DLG2: variants seen among roughly 807,000 people sequenced by gnomAD.
DLG2 encodes the protein discs large MAGUK scaffold protein 2, also known as disks large homolog 2.
In DLG2, 45 loss-of-function variants were observed where a neutral mutation model predicts 132.5. The observed-to-expected ratio is 0.34, with a 90% CI of 0.27 to 0.44. The LOEUF (loss-of-function observed/expected upper bound fraction) is 0.44. Ranked by LOEUF, DLG2 falls within the 20% of genes least tolerant of loss-of-function variation. DLG2 has a pLI of 1.00. For synonymous variants in DLG2, 424 were observed against 419.6 expected, an observed-to-expected ratio of 1.01 and a Z score of -0.13; for missense variants, 1,045 against 1,196.9, an observed-to-expected ratio of 0.87 and a Z score of 1.87.
At chr11:83,600,007 G>A (rs1013119756) in intron 19 of DLG2, among the ~76,000 whole-genome samples, 2 of 152,144 alleles carry the variant, frequency 1.3e-5, no homozygotes, top group African/African-American at 4.8e-5. Context: ...ATTGCCTACA[G>A]ATAAGCTGAG....
chr11:85,258,284 G>A (rs1264392889), intron 4 of DLG2, among the ~76,000 whole-genome samples: 1 of 151,930 alleles, frequency 6.6e-6, no homozygotes, highest in African/African-American at 2.4e-5. Flanking sequence ...CTCTAAAACT[G>A]GAATTGAAAA....
chr11:83,786,947 T>G (rs1003927679), intron 17 of DLG2, among the ~76,000 whole-genome samples, 155 bp from the exon 18 acceptor site: 3 of 152,232 alleles, frequency 2.0e-5, no homozygotes, highest in Admixed American at 6.5e-5. Flanking sequence ...TTTCATGATC[T>G]TAATCACTTT....
chr11:83,645,394 C>T (rs1051006924), intron 18 of DLG2, among the ~76,000 whole-genome samples: 7 of 152,050 alleles, frequency 4.6e-5, no homozygotes, highest in African/African-American at 1.4e-4. Flanking sequence ...GCAATTTATA[C>T]ACCAGAGCCT....
At chr11:84,867,200 A>C (rs1226252953) in intron 6 of DLG2, among the ~76,000 whole-genome samples, 1 of 152,180 alleles carries the variant, frequency 6.6e-6, no homozygotes, top group Admixed American at 6.5e-5. Flanking sequence ...ACAGAAACAA[A>C]ATCAACCTTC....
At chr11:84,435,831 G>C (rs932484812) in intron 7 of DLG2, among the ~76,000 whole-genome samples, 1 of 151,980 alleles carries the variant, frequency 6.6e-6, no homozygotes, top group Non-Finnish European at 1.5e-5. Context: ...TTGGGTCCAG[G>C]CTTGAAATAA....
chr11:83,578,597 A>G (rs945617095), intron 19 of DLG2, among the ~76,000 whole-genome samples: 1 of 152,216 alleles, frequency 6.6e-6, no homozygotes, highest in Non-Finnish European at 1.5e-5. Context: ...ACACTAGTCA[A>G]AAGAAAGTTG....
intron 8 of DLG2, among the ~76,000 whole-genome samples, chr11:84,195,823 A>G (rs2096505228): frequency 6.6e-6 from 1 of 152,162 alleles, no homozygotes. Context: ...ACATAATTAT[A>G]ATAAATTATG....
intron 19 of DLG2, among the ~76,000 whole-genome samples, chr11:83,607,461 G>T (rs1489138828): frequency 2.0e-5 from 3 of 152,176 alleles, no homozygotes. Flanking sequence ...TGTCCCCGCT[G>T]TTCTCTTTTA....
intron 7 of DLG2, among the ~76,000 whole-genome samples, chr11:84,439,015 T>G (rs555142983): frequency 6.6e-6 from 1 of 152,310 alleles, no homozygotes; most frequent in South Asian, 2.1e-4. Context: ...TAAAGGATGT[T>G]GAATACCCTC....
At chr11:84,427,655 TTCCCAAGCACTG>T (rs1365664984) in intron 7 of DLG2, among the ~76,000 whole-genome samples, 9 of 152,168 alleles carry the variant, frequency 5.9e-5, no homozygotes, top group Non-Finnish European at 5.9e-5. Context: ...TTCTTAAACT[TTCCCAAGCACTG>T]TCCCTCCTTC....
chr11:83,910,980 C>T (rs1590823662), intron 15 of DLG2, among the ~76,000 whole-genome samples: 1 of 152,068 alleles, frequency 6.6e-6, no homozygotes, highest in Non-Finnish European at 1.5e-5. Context: ...GAATGATTTG[C>T]CGATTACACA....
intron 3 of DLG2, among the ~76,000 whole-genome samples, chr11:85,449,796 T>TA (rs1452965745): frequency 2.0e-5 from 3 of 151,474 alleles, no homozygotes; most frequent in Admixed American, 6.6e-5. Context: ...TAAAGTTTTT[T>TA]TTTTTTTTTA....
chr11:85,215,243 A>G (rs546703964), intron 4 of DLG2, among the ~76,000 whole-genome samples: 3 of 152,308 alleles, frequency 2.0e-5, no homozygotes, highest in African/African-American at 4.8e-5. Flanking sequence ...AAAAAATTAC[A>G]GACCAGTTCA....
intron 10 of DLG2, among the ~76,000 whole-genome samples, chr11:84,084,012 C>A (rs945770600): frequency 2.0e-5 from 3 of 152,052 alleles, no homozygotes; most frequent in African/African-American, 7.2e-5. Context: ...ATTCCTTGAC[C>A]AGAGGGCCGC....
chr11:84,580,713 T>C (rs1167849846), intron 6 of DLG2, among the ~76,000 whole-genome samples: 1 of 152,240 alleles, frequency 6.6e-6, no homozygotes, highest in African/African-American at 2.4e-5. Flanking sequence ...ATTTGGACAT[T>C]ATAGTTCCTT....
intron 6 of DLG2, among the ~76,000 whole-genome samples, chr11:85,079,892 A>C (rs1195038880): frequency 6.6e-6 from 1 of 152,052 alleles, no homozygotes; most frequent in Non-Finnish European, 1.5e-5. Context: ...AGCTTCCCAA[A>C]GTGCTGGGAT....
chr11:84,730,462 T>C (rs2063024962), intron 6 of DLG2, among the ~76,000 whole-genome samples: 1 of 152,060 alleles, frequency 6.6e-6, no homozygotes, highest in Non-Finnish European at 1.5e-5. Context: ...AAGAAACTTA[T>C]TTAAAACAAA....
intron 18 of DLG2, among the ~76,000 whole-genome samples, chr11:83,782,578 G>A (rs1594272588): frequency 6.6e-6 from 1 of 152,290 alleles, no homozygotes; most frequent in East Asian, 1.9e-4. Flanking sequence ...CTCTCAAGAT[G>A]AGTAGGAATC....
intron 7 of DLG2, among the ~76,000 whole-genome samples, chr11:84,355,262 T>A (rs1358937521): frequency 6.6e-6 from 1 of 152,080 alleles, no homozygotes; most frequent in Non-Finnish European, 1.5e-5. Flanking sequence ...AGAGATTATA[T>A]GAAGGCAAAA....
Sources: allele counts gnomAD v4.1 joint callset (sites outside exome capture counted in the v4.1 genomes callset), GRCh38; gene constraint gnomAD v4.1.1; transcripts MANE v1.5; gene names NCBI Gene and HGNC (gene_info 2026-07-23, HGNC 2026-07-21).